PIWIL1: variants seen among roughly 807,000 people sequenced by gnomAD.
PIWIL1 encodes piwi like RNA-mediated gene silencing 1.
PIWIL1 carries 73 observed loss-of-function variants against 114.4 expected under a neutral mutation model. The observed-to-expected ratio is 0.64, with a 90% CI of 0.53 to 0.78. The LOEUF (loss-of-function observed/expected upper bound fraction) is 0.78, where lower values mean the gene tolerates loss of function less well. Among genes scored for constraint, PIWIL1 ranks in the 30% least tolerant of loss-of-function variants. The probability of loss-of-function intolerance (pLI) is 0.00; values close to 1 mark genes in which losing one functional copy is unlikely to be tolerated. For synonymous variants in PIWIL1, 375 were observed against 369.0 expected, an observed-to-expected ratio of 1.02 and a Z score of -0.19; for missense variants, 723 against 1,063.1, an observed-to-expected ratio of 0.68 and a Z score of 4.45.
chr12:130,419,208 G>C, the PIWIL1 span, among the ~76,000 whole-genome samples: 1 of 152,156 alleles, frequency 6.6e-6, no homozygotes, highest in African/African-American at 2.4e-5. The surrounding 1 kb of genome is among the most constrained non-coding windows in gnomAD (Gnocchi z 4.3). Context: ...GTGATGGCAG[G>C]CGAGACTGAA....
chr12:130,369,353 A>G (rs796904584), intron 19 of PIWIL1, among the ~76,000 whole-genome samples: 72 of 152,186 alleles, frequency 4.7e-4, no homozygotes, highest in African/African-American at 1.7e-3. Flanking sequence ...TGCTGCATGA[A>G]CATACATGTG....
chr12:130,417,142 A>C, the PIWIL1 span, among the ~76,000 whole-genome samples: 1 of 152,178 alleles, frequency 6.6e-6, no homozygotes, highest in Non-Finnish European at 1.5e-5. Flanking sequence ...ATACCATTGG[A>C]GGGAACGGAA....
At chr12:130,379,260 A>T in the PIWIL1 span, among the ~76,000 whole-genome samples, 4 of 152,212 alleles carry the variant, frequency 2.6e-5, no homozygotes, top group Non-Finnish European at 5.9e-5. Flanking sequence ...TTCTTTTAAA[A>T]TTTATTTGGC....
At chr12:130,423,837 A>C in the PIWIL1 span, among the ~76,000 whole-genome samples, 99 of 152,248 alleles carry the variant, frequency 6.5e-4, no homozygotes, top group Middle Eastern at 3.4e-3. Flanking sequence ...AAACTTTCAG[A>C]TAATCACACT....
Position 130,371,511 on chromosome 12 carries a change from G to A in PIWIL1, c.2499G>A (p.Gln833=), listed in dbSNP as rs1309479400. 4 of 1,613,998 alleles carry A rather than the reference G, an allele frequency of 2.5e-6. No individual in the cohort carries two copies. In the African/African-American group the frequency reaches 5.3e-5, roughly 22 times the overall value. The change falls in exon 21 of 21, where the codon CAG becomes CAA. Residue 833 remains glutamine, a synonymous_variant. Coordinates refer to ENST00000245255, the MANE Select transcript of PIWIL1 (RefSeq NM_004764.5). ...PGVIRVPAPC[Q]YAHKLAFLVG... ...TCATTCGTGTTCCTGCTCCTTGCCA[G>A]TACGCCCACAAGCTGGCTTTTCTTG...
chr12:130,421,043 G>A, the PIWIL1 span: 7 of 152,200 alleles, frequency 4.6e-5, no homozygotes, highest in Non-Finnish European at 1.0e-4. Context: ...ACCACAGAGA[G>A]AGAATGAGAG....
chr12:130,409,532 G>C, the PIWIL1 span, among the ~76,000 whole-genome samples: 1 of 151,838 alleles, frequency 6.6e-6, no homozygotes, highest in Non-Finnish European at 1.5e-5. Flanking sequence ...TTTTTGTATA[G>C]ACGGGGTTTC....
chr12:130,413,253 A>G, the PIWIL1 span, among the ~76,000 whole-genome samples: 1 of 152,154 alleles, frequency 6.6e-6, no homozygotes, highest in South Asian at 2.1e-4. Flanking sequence ...TGAAACTGCA[A>G]ACAGGGTTCA....
intron 9 of PIWIL1, among the ~76,000 whole-genome samples, chr12:130,350,476 G>A (rs148072407): frequency 2.1e-3 from 320 of 152,256 alleles, no homozygotes; most frequent in Non-Finnish European, 3.6e-3. Flanking sequence ...TCTTTTGGGC[G>A]ATCATCTAAA....
chr12:130,393,744 T>C, the PIWIL1 span, among the ~76,000 whole-genome samples: 1 of 152,220 alleles, frequency 6.6e-6, no homozygotes, highest in African/African-American at 2.4e-5. Flanking sequence ...CTCTTTTCAG[T>C]TGGATTCCTA....
chr12:130,412,186 A>T, the PIWIL1 span, among the ~76,000 whole-genome samples: 1 of 152,214 alleles, frequency 6.6e-6, no homozygotes, highest in African/African-American at 2.4e-5. Context: ...CAAACTAAAG[A>T]GAAAAGAGCT....
the PIWIL1 span, among the ~76,000 whole-genome samples, chr12:130,418,671 A>G: frequency 6.6e-6 from 1 of 152,204 alleles, no homozygotes; most frequent in African/African-American, 2.4e-5. Context: ...CAGAGGGGTC[A>G]GGGGCTAAGG....
intron 14 of PIWIL1, among the ~76,000 whole-genome samples, chr12:130,358,636 C>G (rs1405961022): frequency 3.9e-5 from 6 of 152,150 alleles, no homozygotes; most frequent in Non-Finnish European, 8.8e-5. Context: ...GTTAACTCTT[C>G]ATTTTCCCAA....
intron 8 of PIWIL1, 33 bp from the exon 9 acceptor site, chr12:130,349,823 A>G: frequency 1.6e-6 from 2 of 1,212,510 alleles, no homozygotes; most frequent in Non-Finnish European, 2.4e-6. Context: ...TCACATTTCC[A>G]TCAAATGCAG....
In PIWIL1 at chr12:130,357,562, C is replaced by G. The variant is rs758322370; in HGVS notation, c.1665+9C>G. 1.9e-6 allele frequency: 3 copies of G among 1,589,942 alleles called. No individual in the cohort carries two copies. Among genetic ancestry groups the G allele is most frequent in the Admixed American group, 3.3e-5 (2 of 59,864 alleles). On this transcript the variant is annotated intron_variant, in intron 14 of 20. Transcript: ENST00000245255. ...CAGCAGACACCCAGATAGTAAGTAA[C>G]TAATTGACATATAGGCAGTTTTCGG...
chr12:130,361,239 G>GTGTA lies in PIWIL1; in HGVS notation c.1726_1729dup (p.Thr577MetfsTer61). The GTGTA allele has an allele frequency of 6.2e-7, 1 of 1,614,138 alleles. No individual in the cohort carries two copies. The highest frequency in any genetic ancestry group is 8.5e-7 in the Non-Finnish European group (1 of 1,180,024). ...AATACGATGCTATTAAAAAATACCT[G>GTGTA]TGTACAGATTGCCCTACCCCAAGTC... On this transcript the variant is annotated frameshift_variant, in exon 15 of 21. Transcript: ENST00000245255. LOFTEE classifies it high-confidence loss of function.
chr12:130,421,900 G>C, the PIWIL1 span, among the ~76,000 whole-genome samples: 61 of 152,350 alleles, frequency 4.0e-4, no homozygotes, highest in Admixed American at 6.5e-4. Context: ...ATTCCAAAAA[G>C]TCAGGAAGAG....
downstream of PIWIL1, among the ~76,000 whole-genome samples, chr12:130,376,704 C>G (rs1487961358): frequency 1.3e-5 from 2 of 152,224 alleles, no homozygotes; most frequent in East Asian, 3.8e-4. Flanking sequence ...ATACGAGTAC[C>G]TGTCCACTAA....
chr12:130,417,921 C>T, the PIWIL1 span, among the ~76,000 whole-genome samples: 9 of 152,120 alleles, frequency 5.9e-5, no homozygotes, highest in African/African-American at 2.2e-4. Flanking sequence ...GGTGGTCTCA[C>T]AACACCATCA....
Sources: gnomAD v4.1 joint callset for allele counts (sites outside exome capture counted in the v4.1 genomes callset) on GRCh38, gnomAD v4.1.1 for gene constraint, Gnocchi (gnomAD v3.1) non-coding constraint, MANE v1.5 for transcripts, NCBI Gene and HGNC (gene_info 2026-07-23, HGNC 2026-07-21) for gene names.